Variants in WWOX observed in about 807,000 individuals in gnomAD.
The protein encoded by WWOX is WW domain containing oxidoreductase.
A neutral mutation model predicts 46.2 loss-of-function variants in WWOX; 69 were observed. The observed-to-expected ratio is 1.49, with a 90% CI of 1.23 to 1.82. WWOX has a LOEUF of 1.82. Among genes scored for constraint, WWOX ranks in the 40% most tolerant of loss-of-function variants. The pLI, the probability that WWOX is intolerant of heterozygous loss-of-function variation, is 0.00. For missense variants in WWOX, 919 were observed against 542.6 expected (o/e 1.69, Z -6.89); for synonymous variants, 359 against 202.6 (o/e 1.77, Z -6.56).
chr16:78,872,392 T>C (rs561037905), intron 8 of WWOX, among the ~76,000 whole-genome samples: 1 of 152,290 alleles, frequency 6.6e-6, no homozygotes, highest in East Asian at 1.9e-4. Context: ...GTCATTATTA[T>C]GAAAATAGCC....
chr16:78,290,191 T>A (rs1698545846), intron 5 of WWOX, among the ~76,000 whole-genome samples: 1 of 152,106 alleles, frequency 6.6e-6, no homozygotes. Flanking sequence ...TTGGAATTGG[T>A]CAAACAAAAC....
At position 78,820,982 on chromosome 16, in the gene WWOX, T is replaced by G. The variant is rs2051478028; in HGVS notation, c.1056+388230T>G. Among the ~76,000 whole-genome samples, 3 of 152,196 alleles carry G rather than the reference T, an allele frequency of 2.0e-5. No homozygotes were observed. In the South Asian group the frequency reaches 6.2e-4, roughly 32 times the overall value. The stretch of plus-strand genomic sequence containing the variant: ...TTACAAGGACACCAGTCATTGGACT[T>G]AGGACCCACCTAATTGAGTATGATC... On this transcript the variant is annotated intron_variant, in intron 8 of 8. Coordinates refer to ENST00000566780, the MANE Select transcript of WWOX (RefSeq NM_016373.4).
chr16:78,653,672 G>T (rs1331632515), intron 8 of WWOX, among the ~76,000 whole-genome samples: 1 of 152,216 alleles, frequency 6.6e-6, no homozygotes, highest in African/African-American at 2.4e-5. Flanking sequence ...AGGAGCAAGT[G>T]GAAAGAACCT....
intron 8 of WWOX, among the ~76,000 whole-genome samples, chr16:78,637,219 T>G (rs2046593312): frequency 6.6e-6 from 1 of 152,124 alleles, no homozygotes; most frequent in Non-Finnish European, 1.5e-5. Context: ...GTCAGGAGTT[T>G]GAGACCAGCC....
intron 5 of WWOX, among the ~76,000 whole-genome samples, chr16:78,306,009 T>C (rs1369597337): frequency 1.3e-5 from 2 of 152,074 alleles, no homozygotes; most frequent in Non-Finnish European, 2.9e-5. Flanking sequence ...GCAATCCACT[T>C]TTCTCATTGA....
chr16:79,129,733 T>A (rs1004509749), intron 8 of WWOX, among the ~76,000 whole-genome samples: 2 of 147,686 alleles, frequency 1.4e-5, no homozygotes, highest in Non-Finnish European at 3.1e-5. Context: ...AAGCCATTAA[T>A]AAATAAATTA....
In WWOX at chr16:78,908,206, A is replaced by G. The variant is rs141704695; in HGVS notation, c.1057-303402A>G. ...AACGGGTTCTCCTTGCCCGCTGCCT[A>G]AGCAAAGCCGATTTATCAAGACAGG... On this transcript the variant is annotated intron_variant, in intron 8 of 8. Transcript: ENST00000566780. 6.5e-3 allele frequency among the ~76,000 whole-genome samples: 994 copies of G among 152,202 alleles called. 10 individuals are homozygous for G. The highest frequency in any genetic ancestry group is 0.023 in the African/African-American group (945 of 41,524).
In WWOX at chr16:78,345,182, G is replaced by C; in HGVS notation, c.517-41678G>C. On this transcript the variant is annotated intron_variant, in intron 5 of 8. Transcript: ENST00000566780. ...GGAGCAGTACATGGGGGTATACAGA[G>C]TGCAGGCCTCAGAACTGCAGAACAT... is the stretch of plus-strand genomic sequence containing the variant. Among the ~76,000 whole-genome samples, 2 of 117,756 alleles carry C rather than the reference G, an allele frequency of 1.7e-5. 1 individual carries two copies. The allele number at this position is 117,756 out of a possible 152,430, so 77.3% of individuals were successfully genotyped here.
At chr16:79,200,503 CCT>C (rs1171907498) in intron 8 of WWOX, among the ~76,000 whole-genome samples, 2 of 152,122 alleles carry the variant, frequency 1.3e-5, no homozygotes, top group East Asian at 3.9e-4. Context: ...CCTCCTTTAG[CCT>C]CTGTCTCCCC....
chr16:78,991,065 C>G (rs1028240686), intron 8 of WWOX, among the ~76,000 whole-genome samples: 1 of 152,160 alleles, frequency 6.6e-6, no homozygotes, highest in African/African-American at 2.4e-5. Flanking sequence ...GGGGACAAGT[C>G]AAAGCATGGC....
intron 5 of WWOX, among the ~76,000 whole-genome samples, chr16:78,249,866 G>A (rs1396218421): frequency 2.6e-5 from 4 of 152,078 alleles, no homozygotes; most frequent in Non-Finnish European, 4.4e-5. Context: ...CCTGGAAGGG[G>A]AGAAGGGGCA....
chr16:78,233,707 T>G (rs1038833725), intron 5 of WWOX, among the ~76,000 whole-genome samples: 3 of 151,916 alleles, frequency 2.0e-5, no homozygotes, highest in African/African-American at 7.3e-5. Context: ...TTTTGTAGTT[T>G]TAGTAGGGAT....
Position 79,108,637 on chromosome 16 carries a change from C to G in WWOX, c.1057-102971C>G, listed in dbSNP as rs189342000. On this transcript the variant is annotated intron_variant, in intron 8 of 8. Transcript: ENST00000566780. ...CCATAGTTATTCGGGCATGGTGGCTCAAGCCTGTAATCCTAGCACTTTGAG... is the reference window on the plus strand; with the variant it reads ...CCATAGTTATTCGGGCATGGTGGCTGAAGCCTGTAATCCTAGCACTTTGAG... 2.0e-3 allele frequency among the ~76,000 whole-genome samples: 306 copies of G among 152,288 alleles called. 1 individual carries two copies. Among genetic ancestry groups the G allele is most frequent in the Non-Finnish European group, 1.6e-3 (106 of 68,014 alleles).
intron 8 of WWOX, among the ~76,000 whole-genome samples, chr16:78,733,930 C>T (rs1381021441): frequency 6.6e-6 from 1 of 151,564 alleles, no homozygotes; most frequent in East Asian, 2.0e-4. Flanking sequence ...GGCATAGAGG[C>T]ACACCTGTGG....
intron 8 of WWOX, among the ~76,000 whole-genome samples, chr16:78,511,453 G>A (rs755779476): frequency 6.6e-6 from 1 of 152,210 alleles, no homozygotes; most frequent in Non-Finnish European, 1.5e-5. Context: ...TTGCAGGCAC[G>A]TTGAATGTGA....
intron 8 of WWOX, among the ~76,000 whole-genome samples, chr16:78,872,446 T>C (rs1489615117): frequency 2.6e-5 from 4 of 152,206 alleles, no homozygotes; most frequent in African/African-American, 9.6e-5. Context: ...AATGCCAGGC[T>C]GAGAGATGAG....
rs572955746 is a variant in WWOX, at chr16:78,792,962, CTCTT to C, written c.1056+360212_1056+360215del. 7.2e-5 allele frequency among the ~76,000 whole-genome samples: 11 copies of C among 152,316 alleles called. No individual in the cohort carries two copies. In the South Asian group the frequency reaches 2.1e-3, roughly 29 times the overall value. Reference sequence around the variant, plus strand: ...TAACCATGGCAATGCAATAGGAAATCTCTTTATTTCGTTGGTGCTCAAGTGATAC... The same window carrying C: ...TAACCATGGCAATGCAATAGGAAATCTATTTCGTTGGTGCTCAAGTGATAC... On this transcript the variant is annotated intron_variant, in intron 8 of 8. Coordinates refer to ENST00000566780, the MANE Select transcript of WWOX (RefSeq NM_016373.4).
At chr16:78,241,779 A>T (rs961841245) in intron 5 of WWOX, among the ~76,000 whole-genome samples, 1 of 152,156 alleles carries the variant, frequency 6.6e-6, no homozygotes, top group Non-Finnish European at 1.5e-5. Context: ...TTATGACATC[A>T]TTGCTCAGAT....
Position 78,914,650 on chromosome 16 carries a change from C to T in WWOX, c.1057-296958C>T, listed in dbSNP as rs149998576. 1.8e-3 allele frequency among the ~76,000 whole-genome samples: 276 copies of T among 151,790 alleles called. 1 individual carries two copies. Among genetic ancestry groups the T allele is most frequent in the African/African-American group, 6.3e-3 (262 of 41,462 alleles). ...ATCCCAGCACTTTGGGAGGCGGAGG[C>T]GGGCAGATCACGAGGTCAGGAGATC... On this transcript the variant is annotated intron_variant, in intron 8 of 8. Coordinates refer to ENST00000566780, the MANE Select transcript of WWOX (RefSeq NM_016373.4).
Sources: gnomAD v4.1 joint callset for allele counts (sites outside exome capture counted in the v4.1 genomes callset) on GRCh38, gnomAD v4.1.1 for gene constraint, MANE v1.5 for transcripts, NCBI Gene and HGNC (gene_info 2026-07-23, HGNC 2026-07-21) for gene names.